FBXO36: variants seen among roughly 807,000 people sequenced by gnomAD.
FBXO36 encodes F-box only protein 36.
In FBXO36, 18 loss-of-function variants were observed where a neutral mutation model predicts 17.0. The ratio of observed to expected loss-of-function variants is 1.06; its 90% confidence interval spans 0.73 to 1.57. The LOEUF (loss-of-function observed/expected upper bound fraction) is 1.57. Ranked by LOEUF, FBXO36 falls within the 40% of genes most tolerant of loss-of-function variation. The pLI, the probability that FBXO36 is intolerant of heterozygous loss-of-function variation, is 0.00. For synonymous variants in FBXO36, 83 were observed against 85.3 expected (o/e 0.97, Z 0.15); for missense variants, 229 against 221.9 (o/e 1.03, Z -0.20).
intron 3 of FBXO36, among the ~76,000 whole-genome samples, chr2:229,997,577 C>CAA (rs34921072): frequency 3.2e-5 from 3 of 94,468 alleles, no homozygotes. Flanking sequence ...GACTCTGACT[C>CAA]AAAAAAAAAA....
intron 1 of FBXO36, among the ~76,000 whole-genome samples, chr2:229,927,212 T>C (rs1274217614): frequency 1.3e-5 from 2 of 152,204 alleles, no homozygotes; most frequent in Non-Finnish European, 2.9e-5. Flanking sequence ...ATGACACATA[T>C]ATATTCCTAT....
chr2:229,958,257 CTTTTTTTTTTTTTTT>C (rs1161188534), intron 1 of FBXO36, among the ~76,000 whole-genome samples: 9 of 78,694 alleles, frequency 1.1e-4, no homozygotes, highest in East Asian at 3.5e-4. Context: ...CTCTGACTTT[CTTTTTTTTTTTTTTT>C]TTTTTTTTTT....
rs763268480 is a variant in FBXO36, at chr2:229,976,359, G to A, written c.205+10G>A. On this transcript the variant is annotated intron_variant, in intron 2 of 3. Coordinates refer to ENST00000283946, the MANE Select transcript of FBXO36 (RefSeq NM_174899.5). Reference sequence around the variant, plus strand: ...AATTCACATCTTCAAGGTAAGGAACGGAACATATTATATACCCCTGTTAAG... The same window carrying A: ...AATTCACATCTTCAAGGTAAGGAACAGAACATATTATATACCCCTGTTAAG... 24 of 1,568,152 alleles carry A rather than the reference G, an allele frequency of 1.5e-5. No individual in the cohort carries two copies. Among genetic ancestry groups the A allele is most frequent in the Admixed American group, 5.0e-5 (3 of 59,802 alleles).
chr2:229,972,598 C>A (rs1369293908), intron 1 of FBXO36, among the ~76,000 whole-genome samples: 1 of 151,924 alleles, frequency 6.6e-6, no homozygotes, highest in African/African-American at 2.4e-5. Flanking sequence ...CTGTGTCTGG[C>A]ATCGGGCAGG....
At chr2:229,967,543 A>G (rs1417410983) in intron 1 of FBXO36, among the ~76,000 whole-genome samples, 1 of 152,116 alleles carries the variant, frequency 6.6e-6, no homozygotes, top group East Asian at 1.9e-4. Flanking sequence ...TTATTTTGAG[A>G]TATGTCCCAT....
chr2:229,952,353 A>C (rs1259605395), intron 1 of FBXO36, among the ~76,000 whole-genome samples: 1 of 152,216 alleles, frequency 6.6e-6, no homozygotes, highest in Non-Finnish European at 1.5e-5. Context: ...CATTGGGTAG[A>C]GGCTTAAAGT....
Position 229,996,912 on chromosome 2 carries a change from A to G in FBXO36, c.367A>G (p.Arg123Gly). The change falls in exon 3 of 4, where the codon AGA (arginine) becomes GGA (glycine). Residue 123 changes from arginine to glycine, a missense_variant. Transcript: ENST00000283946. Reference protein sequence around the residue: ...DIARLCQTSHRFAKLCMSDKL... With the variant: ...DIARLCQTSHGFAKLCMSDKL... The stretch of plus-strand genomic sequence containing the variant: ...TGCCAGGCTTTGTCAAACATCACAC[A>G]GATTTGCAAAGGTAACGGTCAATTA... The G allele has an allele frequency of 7.4e-6, 12 of 1,612,048 alleles. No individual in the cohort carries two copies. Among genetic ancestry groups the G allele is most frequent in the Non-Finnish European group, 1.0e-5 (12 of 1,179,496 alleles).
At chr2:229,931,431 C>T (rs2076937899) in intron 1 of FBXO36, among the ~76,000 whole-genome samples, 1 of 152,166 alleles carries the variant, frequency 6.6e-6, no homozygotes, top group Admixed American at 6.6e-5. Context: ...ATTCCTCCTG[C>T]AGTCTGCAAG....
chr2:229,965,875 A>G (rs941578297), intron 1 of FBXO36, among the ~76,000 whole-genome samples: 27 of 152,246 alleles, frequency 1.8e-4, no homozygotes, highest in African/African-American at 6.5e-4. Flanking sequence ...ATGACTTACA[A>G]TCCTTTGGGT....
chr2:230,010,030 G>C (rs1577368802), intron 3 of FBXO36, among the ~76,000 whole-genome samples: 1 of 152,282 alleles, frequency 6.6e-6, no homozygotes, highest in African/African-American at 2.4e-5. Flanking sequence ...GGGAGGCCAA[G>C]GTGGGCAGAT....
At chr2:229,951,224 C>A (rs935014257) in intron 1 of FBXO36, among the ~76,000 whole-genome samples, 1 of 151,932 alleles carries the variant, frequency 6.6e-6, no homozygotes, top group African/African-American at 2.4e-5. Context: ...TGAGCCACCG[C>A]GCCCGTCCCA....
intron 1 of FBXO36, among the ~76,000 whole-genome samples, chr2:229,940,692 G>A (rs1056644586): frequency 6.6e-6 from 1 of 152,142 alleles, no homozygotes; most frequent in Non-Finnish European, 1.5e-5. Context: ...GATGATGAAG[G>A]CAGAGATTGG....
intron 1 of FBXO36, chr2:229,939,098 G>C (rs1442162016): frequency 1.2e-5 from 2 of 168,806 alleles, no homozygotes; most frequent in African/African-American, 5.6e-5. Flanking sequence ...TTGTTGCCCA[G>C]GCTGGAGTGC....
chr2:229,933,300 A>G (rs2076948602), intron 1 of FBXO36, among the ~76,000 whole-genome samples: 1 of 151,996 alleles, frequency 6.6e-6, no homozygotes, highest in African/African-American at 2.4e-5. Flanking sequence ...AGGCAGGAGA[A>G]TCACTCGAAC....
chr2:229,972,786 A>G (rs796368001), intron 1 of FBXO36, among the ~76,000 whole-genome samples: 6 of 152,054 alleles, frequency 3.9e-5, no homozygotes, highest in African/African-American at 1.4e-4. Context: ...TATTGTGGCC[A>G]GGGGTGGTGG....
chr2:229,923,847 G>GTTTTTTTTT (rs71045800), intron 1 of FBXO36, among the ~76,000 whole-genome samples: 6 of 77,710 alleles, frequency 7.7e-5, no homozygotes, highest in South Asian at 5.7e-4. Context: ...TTTTGGTGTT[G>GTTTTTTTTT]TTTTTTTTTT....
At position 229,973,676 on chromosome 2, in the gene FBXO36, G is replaced by A. The variant is rs192485324; in HGVS notation, c.97-2565G>A. ...GCGGAGGGTGCAGTGAGCTGAGATCGCACCACTGCACTCCAGCCTAGGGAC... is the reference window on the plus strand; with the variant it reads ...GCGGAGGGTGCAGTGAGCTGAGATCACACCACTGCACTCCAGCCTAGGGAC... On this transcript the variant is annotated intron_variant, in intron 1 of 3. Transcript: ENST00000283946. Among the ~76,000 whole-genome samples, 405 of 149,228 alleles carry A rather than the reference G, an allele frequency of 2.7e-3. 4 individuals are homozygous for A. The highest frequency in any genetic ancestry group is 9.5e-3 in the African/African-American group (384 of 40,406).
chr2:229,933,947 A>C (rs2076951569), intron 1 of FBXO36, among the ~76,000 whole-genome samples: 1 of 152,026 alleles, frequency 6.6e-6, no homozygotes. Context: ...TGGCCTCCCA[A>C]AGTGCTGGGA....
At chr2:229,938,444 G>T (rs2076978020) in intron 1 of FBXO36, among the ~76,000 whole-genome samples, 1 of 146,930 alleles carries the variant, frequency 6.8e-6, no homozygotes, top group Non-Finnish European at 1.5e-5. Flanking sequence ...GAGATGGCGT[G>T]AGCCACCGCG....
Sources: gnomAD v4.1 joint callset for allele counts (sites outside exome capture counted in the v4.1 genomes callset) on GRCh38, gnomAD v4.1.1 for gene constraint, MANE v1.5 for transcripts, NCBI Gene and HGNC (gene_info 2026-07-23, HGNC 2026-07-21) for gene names.